HLCS: variants seen among roughly 807,000 people sequenced by gnomAD.
HLCS encodes biotin--protein ligase.
Under a neutral mutation model 75.0 loss-of-function variants are expected in HLCS, and 53 were observed. That is an observed-to-expected ratio of 0.71 (90% CI 0.57 to 0.89). The LOEUF (loss-of-function observed/expected upper bound fraction) is 0.89, where lower values mean the gene tolerates loss of function less well. Among genes scored for constraint, HLCS ranks in the 40% least tolerant of loss-of-function variants. The pLI is 0.00. For missense variants in HLCS, 966 were observed against 1,074.0 expected (o/e 0.90, Z 1.41); for synonymous variants, 431 against 428.6 (o/e 1.01, Z -0.07).
At chr21:36,969,581 ATT>A (rs34807872), upstream of HLCS, 60,001 of 146,096 alleles carry the variant, frequency 0.41, 12,597 homozygotes, top group South Asian at 0.53. Flanking sequence ...CAGACTAGGG[ATT>A]TTTTTTTTTT....
chr21:36,871,079 G>C (rs2063753005), intron 6 of HLCS, among the ~76,000 whole-genome samples: 1 of 152,172 alleles, frequency 6.6e-6, no homozygotes, highest in Non-Finnish European at 1.5e-5. Flanking sequence ...GAGACCGGCC[G>C]TGTGCCCAGC....
At position 36,778,128 on chromosome 21, in the gene HLCS, C is replaced by T. The variant is rs1269521544; in HGVS notation, c.1893-10843G>A. On this transcript the variant is annotated intron_variant, in intron 6 of 10. Transcript: ENST00000674895. Reference sequence around the variant, plus strand: ...GGACTACAGGCGCCCGCCACCACGCCCGGCTAATTTTTTTGTATTTTTAGT... The same window carrying T: ...GGACTACAGGCGCCCGCCACCACGCTCGGCTAATTTTTTTGTATTTTTAGT... Among the ~76,000 whole-genome samples, 3 of 151,980 alleles carry T rather than the reference C, an allele frequency of 2.0e-5. No homozygotes were observed. In the East Asian group the frequency reaches 5.8e-4, roughly 29 times the overall value.
Position 36,759,853 on chromosome 21 carries a change from T to C in HLCS, c.2122-12A>G. 1 of 1,521,864 alleles carries C rather than the reference T, an allele frequency of 6.6e-7. No individual in the cohort carries two copies. Among genetic ancestry groups the C allele is most frequent in the South Asian group, 1.1e-5 (1 of 89,326 alleles). 94.3% of individuals were successfully genotyped at this position (1,521,864 alleles called of 1,614,324 possible). A position where few individuals can be genotyped will look rare whatever the true frequency, so the allele number is the denominator to read the frequency against. On this transcript the variant is annotated splice_polypyrimidine_tract_variant and intron_variant, in intron 8 of 10. Coordinates refer to ENST00000674895, the MANE Select transcript of HLCS (RefSeq NM_001352514.2). ...CGTAAGTTGATATCCTAAAGGGAAA[T>C]CTGCACATTAATTAAGCCGTCACAG...
intron 6 of HLCS, among the ~76,000 whole-genome samples, chr21:36,816,122 C>A (rs1343377769): frequency 6.6e-6 from 1 of 152,192 alleles, no homozygotes; most frequent in Non-Finnish European, 1.5e-5. Context: ...GGCTCCAACA[C>A]TGTCTCCCTG....
chr21:36,967,313 A>G (rs1440159848), upstream of HLCS, among the ~76,000 whole-genome samples: 3 of 152,194 alleles, frequency 2.0e-5, no homozygotes, highest in East Asian at 5.8e-4. Flanking sequence ...ACGGGATGCA[A>G]TAATGTTTTT....
chr21:36,896,978 C>T lies in HLCS; in HGVS notation c.1774G>A (p.Ala592Thr), dbSNP rs987805504. ...SCIPVVTNME[A>T]FSSEHFNLEI... ...AAGTTGAAATGTTCTGATGAGAAGG[C>T]CTCCATGTTGGTCACCACAGGTATA... is the stretch of plus-strand genomic sequence containing the variant. Residue 592 changes from alanine to threonine, a missense_variant, in exon 6 of 11, where the codon GCC becomes ACC. By Grantham distance (58) the Ala-to-Thr change is moderately conservative. Coordinates refer to ENST00000674895, the MANE Select transcript of HLCS (RefSeq NM_001352514.2). 6.2e-7 allele frequency: 1 copy of T among 1,614,140 alleles called. No individual in the cohort carries two copies.
intron 6 of HLCS, among the ~76,000 whole-genome samples, chr21:36,819,663 A>T (rs1486134022): frequency 1.3e-5 from 2 of 152,108 alleles, no homozygotes; most frequent in Admixed American, 6.5e-5. Context: ...GGCAGGTGGC[A>T]TCTTTGTTTT....
intron 6 of HLCS, among the ~76,000 whole-genome samples, chr21:36,811,514 C>T (rs529017028): frequency 5.3e-5 from 8 of 152,288 alleles, no homozygotes; most frequent in African/African-American, 9.6e-5. Context: ...GTACAGAGCC[C>T]GAATGCCCTC....
At chr21:36,758,446 C>G (rs936517900) in intron 9 of HLCS, among the ~76,000 whole-genome samples, 2 of 152,120 alleles carry the variant, frequency 1.3e-5, no homozygotes, top group African/African-American at 4.8e-5. Context: ...GGGTCTCACT[C>G]TGTCATCCAG....
chr21:36,980,055 G>T (rs1208895140), intron 1 of HLCS, among the ~76,000 whole-genome samples: 2 of 58,048 alleles, frequency 3.4e-5, no homozygotes, highest in African/African-American at 7.1e-5. Flanking sequence ...AAAAAAAAAA[G>T]GCTGGGTGTG....
chr21:36,790,268 G>T (rs992329091), intron 6 of HLCS, among the ~76,000 whole-genome samples: 1 of 152,132 alleles, frequency 6.6e-6, no homozygotes, highest in East Asian at 1.9e-4. Flanking sequence ...GCTGGGTGTG[G>T]TGGGGTGCAC....
intron 2 of HLCS, among the ~76,000 whole-genome samples, chr21:36,941,636 G>C (rs2067145894): frequency 6.6e-6 from 1 of 152,216 alleles, no homozygotes; most frequent in African/African-American, 2.4e-5. Context: ...CAACACTTTG[G>C]GAGGCCGAGG....
At chr21:36,917,856 C>G (rs1405654850) in intron 5 of HLCS, among the ~76,000 whole-genome samples, 3 of 151,230 alleles carry the variant, frequency 2.0e-5, no homozygotes, top group African/African-American at 7.3e-5. Flanking sequence ...TAGGTAACAG[C>G]TGGAGGTGAC....
At chr21:36,821,795 T>C (rs78058353) in intron 6 of HLCS, among the ~76,000 whole-genome samples, 2,207 of 152,224 alleles carry the variant, frequency 0.014, 36 homozygotes, top group Non-Finnish European at 0.022. Context: ...AACTGACAAG[T>C]TTGAAGATGC....
intron 6 of HLCS, among the ~76,000 whole-genome samples, chr21:36,888,772 G>C (rs901505368): frequency 6.6e-6 from 1 of 151,854 alleles, no homozygotes; most frequent in Non-Finnish European, 1.5e-5. Flanking sequence ...AGACAGTAAG[G>C]CTCAGGGAGG....
At chr21:36,877,232 T>C (rs1307148837) in intron 6 of HLCS, among the ~76,000 whole-genome samples, 1 of 152,238 alleles carries the variant, frequency 6.6e-6, no homozygotes, top group African/African-American at 2.4e-5. Flanking sequence ...GCTTAGTCTA[T>C]TATCATTTAA....
At chr21:36,833,839 G>A (rs1466470696) in intron 6 of HLCS, among the ~76,000 whole-genome samples, 3 of 152,042 alleles carry the variant, frequency 2.0e-5, no homozygotes, top group South Asian at 2.1e-4. Flanking sequence ...TATTTCCTGC[G>A]ATCAAAATTT....
intron 2 of HLCS, among the ~76,000 whole-genome samples, chr21:36,941,556 T>C (rs1240460049): frequency 1.3e-5 from 2 of 152,226 alleles, no homozygotes; most frequent in Non-Finnish European, 2.9e-5. Flanking sequence ...CGAATGGTAC[T>C]GGTACAACTA....
chr21:36,853,163 G>A (rs1399246703), intron 6 of HLCS, among the ~76,000 whole-genome samples: 1 of 152,120 alleles, frequency 6.6e-6, no homozygotes. Flanking sequence ...AGGGCACACA[G>A]GTACAAATGG....
Sources: allele counts gnomAD v4.1 joint callset (sites outside exome capture counted in the v4.1 genomes callset), GRCh38; gene constraint gnomAD v4.1.1; transcripts MANE v1.5; gene names NCBI Gene and HGNC (gene_info 2026-07-23, HGNC 2026-07-21).